Variants in COL5A3 observed in about 807,000 individuals in gnomAD.
COL5A3 encodes the protein collagen alpha-3(V) chain.
A neutral mutation model predicts 250.0 loss-of-function variants in COL5A3; 172 were observed. The ratio of observed to expected loss-of-function variants is 0.69; its 90% CI spans 0.61 to 0.78. The LOEUF is 0.78. Ranked by LOEUF, COL5A3 falls within the 30% of genes least tolerant of loss-of-function variation. The pLI is 0.00. For missense variants in COL5A3, 2,340 were observed against 2,334.4 expected, an observed-to-expected ratio of 1.00 and a Z score of -0.05; for synonymous variants, 937 against 900.4, an observed-to-expected ratio of 1.04 and a Z score of -0.73.
intron 24 of COL5A3, among the ~76,000 whole-genome samples, chr19:9,990,096 A>T (rs1329181038): frequency 6.6e-6 from 1 of 151,530 alleles, no homozygotes; most frequent in African/African-American, 2.4e-5. Flanking sequence ...TTGTACATTT[A>T]AAAATAACTA....
chr19:9,976,670 TG>T, intron 44 of COL5A3, 59 bp from the exon 45 acceptor site: 1 of 1,371,056 alleles, frequency 7.3e-7, no homozygotes, highest in East Asian at 2.5e-5. Flanking sequence ...GAGAGGGCAC[TG>T]GAGCTATCAA....
At chr19:9,992,575 G>A (rs753758011) in intron 21 of COL5A3, among the ~76,000 whole-genome samples, 5 of 151,998 alleles carry the variant, frequency 3.3e-5, no homozygotes, top group Admixed American at 6.6e-5. Flanking sequence ...CCAGGAGTTC[G>A]AGACCAACCT....
chr19:9,995,667 G>C, intron 15 of COL5A3, 50 bp from the exon 16 acceptor site: 21 of 1,388,138 alleles, frequency 1.5e-5, no homozygotes, highest in Non-Finnish European at 2.0e-5. Context: ...AAGAAAGAGG[G>C]ACTTATTCTA....
chr19:9,993,559 G>T, intron 18 of COL5A3, 60 bp downstream of exon 18: 1 of 1,587,894 alleles, frequency 6.3e-7, no homozygotes, highest in Non-Finnish European at 8.6e-7. Flanking sequence ...GGGAGAAGTT[G>T]GGGGGGCTTG....
At position 10,010,499 on chromosome 19, in the gene COL5A3, G is replaced by A. The variant is rs1427496971; in HGVS notation, c.-114C>T. The A allele has an allele frequency of 1.6e-6, 1 of 631,726 alleles. No individual in the cohort carries two copies. Among genetic ancestry groups the A allele is most frequent in the Non-Finnish European group, 2.4e-6 (1 of 425,414 alleles). The allele number at this position is 631,726 out of a possible 1,614,324, so 39.1% of individuals were successfully genotyped here. A position where few individuals can be genotyped will look rare whatever the true frequency, so the allele number is the denominator to read the frequency against. On this transcript the variant is annotated 5_prime_UTR_variant, in exon 1 of 67. Coordinates refer to ENST00000264828, the MANE Select transcript of COL5A3 (RefSeq NM_015719.4). ...CGGCCGCTCCTCTCAGGGTCCGCGG[G>A]AAACTGCCCGAGACCCCGCCCTGGC...
At chr19:9,970,516 G>GAGTGGGGGCTGTGGAGTGAGTGGGGTC in intron 54 of COL5A3, 106 bp downstream of exon 54, 1 of 598,730 alleles carries the variant, frequency 1.7e-6, no homozygotes, top group East Asian at 3.4e-5. Flanking sequence ...GTCTGTGGGT[G>GAGTGGGGGCTGTGGAGTGAGTGGGGTC]TGTGGGGTCT....
rs758613882 is a variant in COL5A3 at position 9,972,940 on chromosome 19, C to T, written c.3753G>A (p.Glu1251=). The T allele has an allele frequency of 4.3e-6, 7 of 1,610,482 alleles. No individual in the cohort carries two copies. Among genetic ancestry groups the T allele is most frequent in the Non-Finnish European group, 5.9e-6 (7 of 1,178,574 alleles). ...TCACCACGCTCCCTTTGGCTCCATC[C>T]TCTCCAGGGGGACCTTTCTTGCCTG... The part of the protein sequence containing the change: ...GPPGKKGPPG[E]DGAKGSVGPT... The change falls in exon 51 of 67, where the codon GAG becomes GAA. Residue 1251 remains glutamate, a synonymous_variant. Coordinates refer to ENST00000264828, the MANE Select transcript of COL5A3 (RefSeq NM_015719.4).
chr19:9,968,643 TG>T lies in COL5A3; in HGVS notation c.4206+31del. On this transcript the variant is annotated intron_variant, in intron 58 of 66. Coordinates refer to ENST00000264828, the MANE Select transcript of COL5A3 (RefSeq NM_015719.4). The surrounding 1 kb of genome is among the most constrained non-coding windows in gnomAD (Gnocchi z 4.1). ...GGAGGGAGGGAAAGAGGGGAGGAGA[TG>T]GGGAAGAGAATAATGGAATGATGTC... is the stretch of plus-strand genomic sequence containing the variant. 1.9e-6 allele frequency: 3 copies of T among 1,604,706 alleles called. No homozygotes were observed. Among genetic ancestry groups the T allele is most frequent in the Non-Finnish European group, 2.6e-6 (3 of 1,174,448 alleles).
chr19:9,981,953 G>A (rs2087017243), intron 32 of COL5A3, 112 bp downstream of exon 32: 2 of 808,544 alleles, frequency 2.5e-6, no homozygotes, highest in South Asian at 1.4e-5. Context: ...GCACACAAAT[G>A]TTCCAGGCAT....
intron 39 of COL5A3, 40 bp from the exon 40 acceptor site, chr19:9,979,020 G>T: frequency 6.7e-7 from 1 of 1,503,374 alleles, no homozygotes; most frequent in Non-Finnish European, 8.9e-7. Flanking sequence ...CTCCAGGGAG[G>T]GGATGTCTCC....
chr19:9,973,406 A>G (rs2086879400), intron 50 of COL5A3, among the ~76,000 whole-genome samples, 164 bp downstream of exon 50: 1 of 152,180 alleles, frequency 6.6e-6, no homozygotes. Flanking sequence ...TAGCAGCCCT[A>G]TCTGAGAACT....
At chr19:9,980,304 G>A (rs1219519194) in intron 35 of COL5A3, among the ~76,000 whole-genome samples, 1 of 152,158 alleles carries the variant, frequency 6.6e-6, no homozygotes, top group Admixed American at 6.5e-5. Context: ...TCACACAGTA[G>A]GTGAGTGGCA....
chr19:9,971,672 G>A (rs573913889), intron 51 of COL5A3, among the ~76,000 whole-genome samples: 15 of 151,986 alleles, frequency 9.9e-5, no homozygotes, highest in Admixed American at 8.5e-4. Context: ...GCCCCTTCCT[G>A]ACCTCCACCC....
chr19:9,970,164 G>T (rs1248056719), intron 54 of COL5A3, among the ~76,000 whole-genome samples: 1 of 93,320 alleles, frequency 1.1e-5, no homozygotes, highest in African/African-American at 4.3e-5. Context: ...GGTCTGTGGG[G>T]TGAGTGGGGT....
At chr19:10,004,379 A>G (rs941457662) in intron 4 of COL5A3, among the ~76,000 whole-genome samples, 6 of 152,152 alleles carry the variant, frequency 3.9e-5, no homozygotes, top group African/African-American at 9.7e-5. Flanking sequence ...GATCCCAACC[A>G]CAAGCCACAT....
At position 9,969,363 on chromosome 19, in the gene COL5A3, G is replaced by C; in HGVS notation, c.4138C>G (p.Pro1380Ala). Residue 1380 changes from proline (P) to alanine (A), a missense_variant, in exon 57 of 67, where the codon CCT becomes GCT. Pro to Ala is a conservative substitution (Grantham distance 27, BLOSUM62 -1). Coordinates refer to ENST00000264828, the MANE Select transcript of COL5A3 (RefSeq NM_015719.4). ...AAGTCTCTTACCAGGGGGCCAGGAG[G>C]GCCCATCTGTCCAGGGGCTCCCAGG... ...GLLGAPGQMGPPGPLGPSGLP... is the reference protein window; with the variant it reads ...GLLGAPGQMGAPGPLGPSGLP... The C allele has an allele frequency of 1.2e-6, 2 of 1,603,234 alleles. No homozygotes were observed. Among genetic ancestry groups the C allele is most frequent in the Non-Finnish European group, 1.7e-6 (2 of 1,175,822 alleles).
Position 9,998,007 on chromosome 19 carries a change from G to T in COL5A3, c.1177C>A (p.Pro393Thr), listed in dbSNP as rs764876408. ...ACTTGGGGTCCTGGGGCTCCTGGAGGTCCCTCAAACTGCTGCCCCTGAAGG... is the reference window on the plus strand; with the variant it reads ...ACTTGGGGTCCTGGGGCTCCTGGAGTTCCCTCAAACTGCTGCCCCTGAAGG... ...VIEKGQQFEG[P>T]PGAPGPQGVV... Residue 393 changes from proline to threonine, a missense_variant, in exon 10 of 67, where the codon CCT becomes ACT. Transcript: ENST00000264828. 5.6e-6 allele frequency: 9 copies of T among 1,614,060 alleles called. No individual in the cohort carries two copies. The Admixed American group carries it at 1.3e-4, about 24-fold the overall frequency.
At position 10,004,539 on chromosome 19, in the gene COL5A3, C is replaced by T. The variant is rs563677170; in HGVS notation, c.595-394G>A. On this transcript the variant is annotated intron_variant, in intron 4 of 66. Transcript: ENST00000264828. ...AAAGACAAGGTTTTGCCATGTTGGC[C>T]AGGCTGGTCCCGAACTCCTGGCCTC... Among the ~76,000 whole-genome samples the T allele has an allele frequency of 1.4e-3, 215 of 152,302 alleles. 2 individuals are homozygous for T. Among genetic ancestry groups the T allele is most frequent in the Non-Finnish European group, 2.6e-3 (174 of 68,022 alleles).
At position 9,997,974 on chromosome 19, in the gene COL5A3, C is replaced by A; in HGVS notation, c.1200+10G>T. 2 of 1,614,052 alleles carry A rather than the reference C, an allele frequency of 1.2e-6. No homozygotes were observed. The highest frequency in any genetic ancestry group is 1.7e-6 in the Non-Finnish European group (2 of 1,179,968). ...AAAGACTGGAAGAAGGAAACACAGC[C>A]ATGACTTACTTGGGGTCCTGGGGCT... is the stretch of plus-strand genomic sequence containing the variant. On this transcript the variant is annotated intron_variant, in intron 10 of 66. Coordinates refer to ENST00000264828, the MANE Select transcript of COL5A3 (RefSeq NM_015719.4).
Sources: gnomAD v4.1 joint callset for allele counts (sites outside exome capture counted in the v4.1 genomes callset) on GRCh38, gnomAD v4.1.1 for gene constraint, Gnocchi (gnomAD v3.1) non-coding constraint, MANE v1.5 for transcripts, NCBI Gene and HGNC (gene_info 2026-07-23, HGNC 2026-07-21) for gene names.